Variants in ARHGEF1 observed in about 807,000 individuals in gnomAD.
ARHGEF1 encodes Rho guanine nucleotide exchange factor 1.
A neutral mutation model predicts 119.7 loss-of-function variants in ARHGEF1; 40 were observed. The ratio of observed to expected loss-of-function variants is 0.33; its 90% confidence interval spans 0.26 to 0.44. ARHGEF1 has a LOEUF of 0.44. ARHGEF1 is among the 20% of genes least tolerant of loss of function. The probability of loss-of-function intolerance (pLI) is 1.00; values close to 1 mark genes in which losing one functional copy is unlikely to be tolerated. For missense variants in ARHGEF1, 976 were observed against 1,268.3 expected, an observed-to-expected ratio of 0.77 and a Z score of 3.50; for synonymous variants, 494 against 521.0, an observed-to-expected ratio of 0.95 and a Z score of 0.71.
Position 41,914,066 on chromosome 19 carries a change from G to A in ARHGEF1, c.1865+7263G>A, listed in dbSNP as rs557575289. Among the ~76,000 whole-genome samples the A allele has an allele frequency of 9.3e-3, 299 of 32,022 alleles. 1 individual carries two copies. Among genetic ancestry groups the A allele is most frequent in the Middle Eastern group, 0.033 (1 of 30 alleles). The allele number at this position is 32,022 out of a possible 152,430, so 21.0% of individuals were successfully genotyped here. ...CTGGCAGCCCACACTGTGTTCCCCC[G>A]TGAGCCCCGCCTACCCCTGGACACT... On this transcript the variant is annotated intron_variant, in intron 18 of 20. Transcript: ENST00000599589.
intron 11 of ARHGEF1, 71 bp from the exon 12 acceptor site, chr19:41,895,278 C>T (rs2074463683): frequency 6.5e-7 from 1 of 1,532,036 alleles, no homozygotes; most frequent in African/African-American, 1.4e-5. Context: ...CAGCCTCTTG[C>T]ATCCCCTGGC....
rs1555847388 is a variant in ARHGEF1 at position 41,895,452 on chromosome 19, C to T, written c.981C>T (p.His327=). 1.9e-6 allele frequency: 3 copies of T among 1,611,662 alleles called. No homozygotes were observed. Among genetic ancestry groups the T allele is most frequent in the Admixed American group, 1.7e-5 (1 of 59,966 alleles). Residue 327 remains histidine, a synonymous_variant, in exon 12 of 29, where the codon CAC becomes CAT. Coordinates refer to ENST00000354532, the MANE Select transcript of ARHGEF1 (RefSeq NM_004706.4). ...AGGACACCCCTGGAGTCTCTCTGCA[C>T]CCTCTGTCCCTGGACAGCCCAGACC... is the stretch of plus-strand genomic sequence containing the variant. The part of the protein sequence containing the change: ...PGQDTPGVSL[H]PLSLDSPDRE...
At chr19:41,893,411 C>A in intron 8 of ARHGEF1, 108 bp downstream of exon 8, 1 of 440,218 alleles carries the variant, frequency 2.3e-6, no homozygotes. Flanking sequence ...GCCTGGACGC[C>A]TGGGTCTGAG....
chr19:41,927,187 AC>A (rs1555853341), intron 1 of ARHGEF1, among the ~76,000 whole-genome samples: 1 of 151,910 alleles, frequency 6.6e-6, no homozygotes, highest in Non-Finnish European at 1.5e-5. Context: ...GTGAGGAGAG[AC>A]CCAGCCAGGG....
rs782781663 is a variant in ARHGEF1 at position 41,916,176 on chromosome 19, C to T, written c.1866-6916C>T. On this transcript the variant is annotated intron_variant, in intron 18 of 20. Coordinates refer to the ARHGEF1 transcript ENST00000599589. This position sits in a 1 kb window ranked among gnomAD's most constrained non-coding sequence, Gnocchi z 5.4. ...ACAGACCCACACACCAACCCAGGCA[C>T]GCACACCACCACGTCCCACACAGCA... is the stretch of plus-strand genomic sequence containing the variant. Among the ~76,000 whole-genome samples the T allele has an allele frequency of 2.0e-5, 3 of 152,006 alleles. No individual in the cohort carries two copies. Among genetic ancestry groups the T allele is most frequent in the African/African-American group, 4.8e-5 (2 of 41,370 alleles).
chr19:41,898,371 C>A, intron 13 of ARHGEF1, 71 bp from the exon 14 acceptor site: 5 of 1,546,892 alleles, frequency 3.2e-6, no homozygotes, highest in Middle Eastern at 1.7e-4. Flanking sequence ...CGGGGTTGAA[C>A]GCTCTAAGAG....
At position 41,916,321 on chromosome 19, in the gene ARHGEF1, A is replaced by G. The variant is rs2074801350; in HGVS notation, c.1866-6771A>G. On this transcript the variant is annotated intron_variant, in intron 18 of 20. Coordinates refer to the ARHGEF1 transcript ENST00000599589. The surrounding 1 kb of genome is among the most constrained non-coding windows in gnomAD (Gnocchi z 5.4). ...CACCACGTCCCACACAACACATCAC[A>G]CACACCAACAAAGCAACGCATACCA... is the stretch of plus-strand genomic sequence containing the variant. 6.6e-6 allele frequency among the ~76,000 whole-genome samples: 1 copy of G among 152,040 alleles called. No individual in the cohort carries two copies. The highest frequency in any genetic ancestry group is 1.5e-5 in the Non-Finnish European group (1 of 68,004).
Position 41,904,210 on chromosome 19 carries a change from C to G in ARHGEF1, c.1994-6C>G. 1 of 1,613,522 alleles carries G rather than the reference C, an allele frequency of 6.2e-7. No homozygotes were observed. Among genetic ancestry groups the G allele is most frequent in the Non-Finnish European group, 8.5e-7 (1 of 1,179,710 alleles). ...GCACGCCGTGTGAGCACTGCTCGCCCCGTAGAGGTGCATGTGCTGCTGCTG... is the reference window on the plus strand; with the variant it reads ...GCACGCCGTGTGAGCACTGCTCGCCGCGTAGAGGTGCATGTGCTGCTGCTG... On this transcript the variant is annotated splice_region_variant and splice_polypyrimidine_tract_variant and intron_variant, in intron 21 of 28. Transcript: ENST00000354532. This position sits in a 1 kb window ranked among gnomAD's most constrained non-coding sequence, Gnocchi z 8.4.
chr19:41,884,659 TAA>T (rs2074266922), intron 1 of ARHGEF1, among the ~76,000 whole-genome samples: 1 of 152,018 alleles, frequency 6.6e-6, no homozygotes, highest in Admixed American at 6.6e-5. Flanking sequence ...TCATTCCGTA[TAA>T]AGTCTTACAG....
At chr19:41,909,261 A>G, downstream of ARHGEF1, 1 of 1,232,282 alleles carries the variant, frequency 8.1e-7, no homozygotes, top group Non-Finnish European at 1.0e-6. The surrounding 1 kb of genome is among the most constrained non-coding windows in gnomAD (Gnocchi z 5.2). Context: ...CCAGGACCCC[A>G]GTACCCAGAC....
Position 41,903,838 on chromosome 19 carries a change from T to A in ARHGEF1, c.1917+54T>A. The stretch of plus-strand genomic sequence containing the variant: ...CCCCCCTACTCCTTGGCCCAGGGGA[T>A]TCTGTGATACAGCCCCCAGCCTGTC... On this transcript the variant is annotated intron_variant, in intron 20 of 28. Coordinates refer to ENST00000354532, the MANE Select transcript of ARHGEF1 (RefSeq NM_004706.4). The surrounding 1 kb of genome is among the most constrained non-coding windows in gnomAD (Gnocchi z 4.2). 6.4e-7 allele frequency: 1 copy of A among 1,565,434 alleles called. No individual in the cohort carries two copies. The highest frequency in any genetic ancestry group is 1.7e-4 in the Middle Eastern group (1 of 5,950).
upstream of ARHGEF1, among the ~76,000 whole-genome samples, chr19:41,919,155 C>T (rs1284174086): frequency 6.6e-6 from 1 of 151,964 alleles, no homozygotes; most frequent in African/African-American, 2.4e-5. Flanking sequence ...ACTCACACAC[C>T]ACTCGCAGCT....
Position 41,888,318 on chromosome 19 carries a change from CAG to C in ARHGEF1, c.111+41_111+42del. On this transcript the variant is annotated intron_variant, in intron 3 of 28. Transcript: ENST00000354532. This position sits in a 1 kb window ranked among gnomAD's most constrained non-coding sequence, Gnocchi z 5.1. ...GGGTGGAAAAGCTCTGTCCCAGGCT[CAG>C]TGTCCCGCCCCAGGTCCCCTCCCAC... 2 of 1,598,386 alleles carry C rather than the reference CAG, an allele frequency of 1.3e-6. No homozygotes were observed. Among genetic ancestry groups the C allele is most frequent in the African/African-American group, 1.3e-5 (1 of 74,552 alleles).
chr19:41,912,010 C>T (rs113304017), downstream of ARHGEF1, among the ~76,000 whole-genome samples: 4,397 of 151,930 alleles, frequency 0.029, 218 homozygotes, highest in African/African-American at 0.1. Context: ...GACAGCCATG[C>T]GGAACGCCAC....
In ARHGEF1 at chr19:41,904,337, G is replaced by A; in HGVS notation, c.2115G>A (p.Arg705=). The A allele has an allele frequency of 6.2e-7, 1 of 1,601,442 alleles. No individual in the cohort carries two copies. The highest frequency in any genetic ancestry group is 8.5e-7 in the Non-Finnish European group (1 of 1,176,060). ...TPTPDGKTML[R]PVLRLTSAMT... ...CGCCCGATGGCAAGACCATGCTGCG[G>A]CCCGTGCTGCGGCTCACCTCCGCCA... Residue 705 remains arginine (R), a synonymous_variant, in exon 22 of 29, where the codon CGG becomes CGA. Coordinates refer to ENST00000354532, the MANE Select transcript of ARHGEF1 (RefSeq NM_004706.4). The surrounding 1 kb of genome is among the most constrained non-coding windows in gnomAD (Gnocchi z 8.4).
intron 13 of ARHGEF1, 122 bp from the exon 14 acceptor site, chr19:41,898,320 C>T: frequency 6.9e-7 from 1 of 1,450,470 alleles, no homozygotes; most frequent in South Asian, 1.3e-5. Flanking sequence ...TGGTCTGCTG[C>T]ACGGGCCACC....
At position 41,892,344 on chromosome 19, in the gene ARHGEF1, C is replaced by G; in HGVS notation, c.338C>G (p.Pro113Arg). Reference sequence around the variant, plus strand: ...TCTCTTGAGCAGGTTCTCCGGGTGCCGGTCCCTCCCAACGTCGCCTTTGAA... The same window carrying G: ...TCTCTTGAGCAGGTTCTCCGGGTGCGGGTCCCTCCCAACGTCGCCTTTGAA... The part of the protein sequence containing the change: ...FLEKTAVLRV[P>R]VPPNVAFELD... Residue 113 changes from proline to arginine, a missense_variant, in exon 6 of 29, where the codon CCG (proline) becomes CGG (arginine). Coordinates refer to ENST00000354532, the MANE Select transcript of ARHGEF1 (RefSeq NM_004706.4). This position sits in a 1 kb window ranked among gnomAD's most constrained non-coding sequence, Gnocchi z 6.3. 6.2e-7 allele frequency: 1 copy of G among 1,614,022 alleles called. No individual in the cohort carries two copies. Among genetic ancestry groups the G allele is most frequent in the Non-Finnish European group, 8.5e-7 (1 of 1,180,020 alleles).
chr19:41,887,687 C>A (rs2074314493), intron 1 of ARHGEF1, among the ~76,000 whole-genome samples: 1 of 152,182 alleles, frequency 6.6e-6, no homozygotes, highest in South Asian at 2.1e-4. Flanking sequence ...CCCATCCCCT[C>A]TTGCCTCTGG....
At position 41,905,043 on chromosome 19, in the gene ARHGEF1, G is replaced by C. The variant is rs369843579; in HGVS notation, c.2249+7G>C. Reference sequence around the variant, plus strand: ...CTGTGTCGGAGCGGAAAAAGTGAGGGGGGGTCTGAGTTCTGAGTGTGGGTG... The same window carrying C: ...CTGTGTCGGAGCGGAAAAAGTGAGGCGGGGTCTGAGTTCTGAGTGTGGGTG... On this transcript the variant is annotated splice_region_variant and intron_variant, in intron 23 of 28. Coordinates refer to ENST00000354532, the MANE Select transcript of ARHGEF1 (RefSeq NM_004706.4). The surrounding 1 kb of genome is among the most constrained non-coding windows in gnomAD (Gnocchi z 6.4). 3.1e-5 allele frequency: 50 copies of C among 1,613,978 alleles called. No individual in the cohort carries two copies. The African/African-American group carries it at 6.4e-4, about 21-fold the overall frequency.
Sources: gnomAD v4.1 joint callset for allele counts (sites outside exome capture counted in the v4.1 genomes callset) on GRCh38, gnomAD v4.1.1 for gene constraint, Gnocchi (gnomAD v3.1) non-coding constraint, MANE v1.5 for transcripts, NCBI Gene and HGNC (gene_info 2026-07-23, HGNC 2026-07-21) for gene names.